The following CHFR variants were observed in gnomAD, a reference collection of about 807,000 sequenced individuals.
CHFR encodes the protein E3 ubiquitin-protein ligase CHFR.
Under a neutral mutation model 87.6 loss-of-function variants are expected in CHFR, and 57 were observed. That is an observed-to-expected ratio of 0.65 (90% CI 0.53 to 0.81). The LOEUF (loss-of-function observed/expected upper bound fraction) is 0.81. Ranked by LOEUF, CHFR falls within the 30% of genes least tolerant of loss-of-function variation. The probability of loss-of-function intolerance (pLI) is 0.00; values close to 1 mark genes in which losing one functional copy is unlikely to be tolerated. For synonymous variants in CHFR, 381 were observed against 359.2 expected (o/e 1.06, Z -0.69); for missense variants, 797 against 865.8 (o/e 0.92, Z 1.00).
rs1950625524 is a variant in CHFR at position 132,832,762 on chromosome 12, A to T, written c.*8792T>A. 1 of 152,232 alleles carries T rather than the reference A, an allele frequency of 6.6e-6. No individual in the cohort carries two copies. Among genetic ancestry groups the T allele is most frequent in the Non-Finnish European group, 1.5e-5 (1 of 68,040 alleles). The allele number at this position is 152,232 out of a possible 1,614,324, so 9.4% of individuals were successfully genotyped here. On this transcript the variant is annotated 3_prime_UTR_variant, in exon 18 of 18. Transcript: ENST00000450056. ...AAGTAAAATTCTTAACAGCTTTAAT[A>T]CAATTTCTATGCAATAAAATATACC...
chr12:132,850,782 C>A (rs529541398), intron 12 of CHFR, among the ~76,000 whole-genome samples: 1 of 152,026 alleles, frequency 6.6e-6, no homozygotes, highest in Non-Finnish European at 1.5e-5. Flanking sequence ...AGGAGCCAAC[C>A]GCGGTGCTCA....
intron 2 of CHFR, among the ~76,000 whole-genome samples, chr12:132,879,773 A>G (rs1951724206): frequency 2.6e-5 from 4 of 152,212 alleles, no homozygotes; most frequent in African/African-American, 9.6e-5. Flanking sequence ...ATATCTCATC[A>G]TTAATCATTA....
chr12:132,884,167 C>G (rs914019677), intron 2 of CHFR, among the ~76,000 whole-genome samples: 1 of 151,490 alleles, frequency 6.6e-6, no homozygotes, highest in Non-Finnish European at 1.5e-5. Flanking sequence ...GCCTGTAATC[C>G]CAGCACTTTG....
chr12:132,841,784 C>T (rs1193474451), intron 17 of CHFR, among the ~76,000 whole-genome samples, 188 bp from the exon 18 acceptor site: 1 of 152,160 alleles, frequency 6.6e-6, no homozygotes, highest in Non-Finnish European at 1.5e-5. Flanking sequence ...AGGTAAACTT[C>T]TTTATCCCTT....
chr12:132,847,012 C>T (rs765209251), intron 15 of CHFR, 31 bp downstream of exon 15: 1 of 1,548,816 alleles, frequency 6.5e-7, no homozygotes, highest in Admixed American at 1.7e-5. Flanking sequence ...CTCACATGCG[C>T]CTTAGAGCAG....
Position 132,848,743 on chromosome 12 carries a change from C to G in CHFR, c.1493-19G>C. On this transcript the variant is annotated intron_variant, in intron 12 of 17. Transcript: ENST00000450056. ...ACCGCACCTGTGGAGAGAGGACACT[C>G]GTTACACGCACTCAGCGCTGAGGGC... The G allele has an allele frequency of 6.4e-7, 1 of 1,557,292 alleles. No homozygotes were observed. The highest frequency in any genetic ancestry group is 8.7e-7 in the Non-Finnish European group (1 of 1,146,578).
intron 8 of CHFR, among the ~76,000 whole-genome samples, chr12:132,857,849 G>A (rs1056427236): frequency 5.9e-5 from 9 of 152,198 alleles, no homozygotes; most frequent in Admixed American, 2.0e-4. Flanking sequence ...TTGAGTTCCC[G>A]CGGAAAAGCA....
At chr12:132,862,001 G>A (rs1030832315) in intron 6 of CHFR, 27 of 213,334 alleles carry the variant, frequency 1.3e-4, no homozygotes, top group South Asian at 7.3e-5. Flanking sequence ...GGCCGGGTGC[G>A]GTGGCTCACA....
intron 3 of CHFR, among the ~76,000 whole-genome samples, chr12:132,876,044 T>C (rs1478863582): frequency 1.3e-5 from 2 of 151,502 alleles, no homozygotes; most frequent in Non-Finnish European, 2.9e-5. Context: ...GGCTTGGTAG[T>C]GTGTGCCTAC....
At position 132,859,211 on chromosome 12, in the gene CHFR, C is replaced by T. The variant is rs757715316; in HGVS notation, c.768G>A (p.Leu256=). Residue 256 remains leucine (L), a synonymous_variant, in exon 8 of 18, where the codon CTG becomes CTA. Transcript: ENST00000450056. ...GTTGTGCGACCAACAACTGCCCGTT[C>T]AGGTCAAGGTCCCCATCTACAGGAG... The part of the protein sequence containing the change: ...KKMRGDGDLD[L]NGQLLVAQPR... 3 of 1,613,366 alleles carry T rather than the reference C, an allele frequency of 1.9e-6. No homozygotes were observed. Among genetic ancestry groups the T allele is most frequent in the East Asian group, 2.2e-5 (1 of 44,826 alleles).
intron 6 of CHFR, among the ~76,000 whole-genome samples, chr12:132,864,930 A>C (rs1192518072): frequency 6.6e-6 from 1 of 152,216 alleles, no homozygotes; most frequent in African/African-American, 2.4e-5. Flanking sequence ...ACAGGAAACA[A>C]TTTTACTGGT....
intron 6 of CHFR, among the ~76,000 whole-genome samples, chr12:132,863,754 T>C (rs1951270025): frequency 6.6e-6 from 1 of 152,096 alleles, no homozygotes; most frequent in Non-Finnish European, 1.5e-5. Flanking sequence ...AGGCAGACTT[T>C]CTAATCACCT....
chr12:132,852,832 C>A (rs926385153), intron 11 of CHFR, among the ~76,000 whole-genome samples: 1 of 152,194 alleles, frequency 6.6e-6, no homozygotes, highest in Non-Finnish European at 1.5e-5. Context: ...GCTCAGCCCC[C>A]ACCCGTGGCC....
At chr12:132,843,670 A>G (rs1950748295) in intron 16 of CHFR, among the ~76,000 whole-genome samples, 1 of 152,098 alleles carries the variant, frequency 6.6e-6, no homozygotes, top group Non-Finnish European at 1.5e-5. Flanking sequence ...GGGTGTCTGT[A>G]AAGAAAAGAG....
chr12:132,864,449 T>C (rs918953508), intron 6 of CHFR, among the ~76,000 whole-genome samples: 2 of 152,154 alleles, frequency 1.3e-5, no homozygotes, highest in African/African-American at 2.4e-5. Context: ...TTAGTATGCA[T>C]ACACTTAGGC....
Position 132,832,555 on chromosome 12 carries a change from T to C in CHFR, c.*8999A>G, listed in dbSNP as rs186860989. On this transcript the variant is annotated 3_prime_UTR_variant, in exon 18 of 18. Transcript: ENST00000450056. ...TGGGAGTTGATCATTATACATTGTA[T>C]GTCTGTATTAAAATATCAAGGTACT... is the stretch of plus-strand genomic sequence containing the variant. The C allele has an allele frequency of 6.6e-6, 1 of 152,330 alleles. No individual in the cohort carries two copies. Among genetic ancestry groups the C allele is most frequent in the East Asian group, 1.9e-4 (1 of 5,190 alleles). 9.4% of individuals were successfully genotyped at this position (152,330 alleles called of 1,614,324 possible).
Position 132,857,473 on chromosome 12 carries a change from G to C in CHFR, c.998C>G (p.Pro333Arg). 2.5e-6 allele frequency: 4 copies of C among 1,614,208 alleles called. No homozygotes were observed. The highest frequency in any genetic ancestry group is 3.4e-6 in the Non-Finnish European group (4 of 1,180,034). The change falls in exon 9 of 18, where the codon CCC becomes CGC. Residue 333 changes from proline (P) to arginine (R), a missense_variant. This residue lies in a region of CHFR where 597 missense variants were observed against 601.2 expected (regional missense o/e 0.99). Coordinates refer to ENST00000450056, the MANE Select transcript of CHFR (RefSeq NM_001161346.2). The stretch of plus-strand genomic sequence containing the variant: ...GTGGTTTTTACAGATCCGCTCCACG[G>C]GACAGCGGCAGGTAGGACACAGGGA... ...RSSLCPTCRC[P>R]VERICKNHIL...
chr12:132,859,045 G>A (rs753486546), intron 8 of CHFR, 23 bp downstream of exon 8: 3 of 1,605,880 alleles, frequency 1.9e-6, no homozygotes, highest in Non-Finnish European at 2.6e-6. Flanking sequence ...TGTTCCGTGA[G>A]CCAAGGGTGA....
chr12:132,853,881 G>A, intron 10 of CHFR: 1 of 393,560 alleles, frequency 2.5e-6, no homozygotes, highest in Non-Finnish European at 4.6e-6. Context: ...CAGGGCAAGG[G>A]CCAGCACGTG....
Sources: allele counts gnomAD v4.1 joint callset (sites outside exome capture counted in the v4.1 genomes callset), GRCh38; gene constraint gnomAD v4.1.1; regional missense constraint gnomAD v4.1.1; transcripts MANE v1.5; gene names NCBI Gene and HGNC (gene_info 2026-07-23, HGNC 2026-07-21).